Variants in ACOXL observed in about 807,000 individuals in gnomAD.
The protein encoded by ACOXL is acyl-coenzyme A oxidase-like protein.
ACOXL carries 70 observed loss-of-function variants against 71.9 expected under a neutral mutation model. That is an observed-to-expected ratio of 0.97 (90% CI 0.80 to 1.19). The LOEUF is 1.19. Among genes scored for constraint, ACOXL ranks in the 50% most tolerant of loss-of-function variants. The pLI is 0.00. For synonymous variants in ACOXL, 253 were observed against 281.6 expected, an observed-to-expected ratio of 0.90 and a Z score of 1.02; for missense variants, 703 against 736.3, an observed-to-expected ratio of 0.95 and a Z score of 0.52.
intron 15 of ACOXL, among the ~76,000 whole-genome samples, chr2:111,032,077 G>A (rs923889221): frequency 2.0e-5 from 3 of 152,316 alleles, no homozygotes; most frequent in African/African-American, 7.2e-5. Context: ...GGGAGGGTGT[G>A]CACACAGATA....
At chr2:110,847,356 G>C (rs940396044) in intron 10 of ACOXL, among the ~76,000 whole-genome samples, 1 of 152,136 alleles carries the variant, frequency 6.6e-6, no homozygotes, top group African/African-American at 2.4e-5. Flanking sequence ...TCACTTGTCT[G>C]ATACTGGAGA....
chr2:110,807,024 G>T (rs1686734215), intron 9 of ACOXL, among the ~76,000 whole-genome samples: 1 of 152,210 alleles, frequency 6.6e-6, no homozygotes, highest in African/African-American at 2.4e-5. Flanking sequence ...AAAGGTTCCT[G>T]TTCTCCGTTC....
chr2:111,117,621 G>C lies in ACOXL; in HGVS notation c.1548G>C (p.Leu516=). 5.8e-6 allele frequency: 9 copies of C among 1,551,736 alleles called. No homozygotes were observed. Among genetic ancestry groups the C allele is most frequent in the Non-Finnish European group, 7.8e-6 (9 of 1,146,994 alleles). The change falls in exon 18 of 18, where the codon CTG becomes CTC. Residue 516 remains leucine, a synonymous_variant. Transcript: ENST00000439055. The part of the protein sequence containing the change: ...MASTRIRNQL[L]DLCDSVKDDA... ...CATTGTGTTGTGTTTTGCAGTTGCT[G>C]GATTTGTGCGACTCGGTGAAGGATG...
intron 11 of ACOXL, among the ~76,000 whole-genome samples, chr2:110,927,115 A>AC (rs1415935781): frequency 6.6e-6 from 1 of 152,140 alleles, no homozygotes; most frequent in East Asian, 1.9e-4. Context: ...GGAAGCAAGC[A>AC]CCTTTTTCCC....
chr2:110,886,450 C>T (rs1379977314), intron 10 of ACOXL, among the ~76,000 whole-genome samples: 1 of 149,608 alleles, frequency 6.7e-6, no homozygotes, highest in Non-Finnish European at 1.5e-5. Flanking sequence ...GATGTTGGCT[C>T]ACTGCAGCCT....
intron 9 of ACOXL, among the ~76,000 whole-genome samples, chr2:110,819,164 A>G (rs1483038425): frequency 6.6e-6 from 1 of 152,174 alleles, no homozygotes; most frequent in Non-Finnish European, 1.5e-5. Context: ...GGAGAGGCAT[A>G]ATAGCAAATG....
intron 10 of ACOXL, among the ~76,000 whole-genome samples, chr2:110,908,218 A>C (rs1160431909): frequency 6.6e-6 from 1 of 152,238 alleles, no homozygotes; most frequent in Non-Finnish European, 1.5e-5. Flanking sequence ...CACCTGACAT[A>C]GCAGCCTCAG....
intron 12 of ACOXL, 61 bp from the exon 13 acceptor site, chr2:110,987,047 A>G: frequency 2.9e-6 from 4 of 1,368,970 alleles, no homozygotes; most frequent in Non-Finnish European, 4.1e-6. Flanking sequence ...GGGTTGCAGT[A>G]TTAAAGATAC....
intron 2 of ACOXL, among the ~76,000 whole-genome samples, chr2:110,770,834 G>C (rs1475856298): frequency 6.6e-6 from 1 of 152,218 alleles, no homozygotes; most frequent in South Asian, 2.1e-4. Flanking sequence ...GCTTAACTTA[G>C]TGTCAATACT....
chr2:111,117,754 C>G lies in ACOXL; in HGVS notation c.1681C>G (p.Leu561Val). 6.4e-7 allele frequency: 1 copy of G among 1,551,504 alleles called. No homozygotes were observed. The highest frequency in any genetic ancestry group is 8.7e-7 in the Non-Finnish European group (1 of 1,146,978). The change falls in exon 18 of 18, where the codon CTG (leucine) becomes GTG (valine). Residue 561 changes from leucine to valine, a missense_variant. Coordinates refer to ENST00000439055, the MANE Select transcript of ACOXL (RefSeq NM_001142807.4). Reference protein sequence around the residue: ...RAAWAFYPAPLQPRPREEARS... With the variant: ...RAAWAFYPAPVQPRPREEARS... The stretch of plus-strand genomic sequence containing the variant: ...CGCGTGGGCTTTCTACCCTGCACCG[C>G]TGCAGCCGCGGCCACGGGAAGAGGC...
intron 11 of ACOXL, among the ~76,000 whole-genome samples, chr2:110,915,193 A>G (rs1335617839): frequency 6.6e-6 from 1 of 151,408 alleles, no homozygotes. Context: ...TTTTTCATGT[A>G]TGTTCAATTT....
chr2:111,106,579 C>T (rs2069554370), intron 17 of ACOXL, among the ~76,000 whole-genome samples: 1 of 152,160 alleles, frequency 6.6e-6, no homozygotes, highest in Admixed American at 6.5e-5. Flanking sequence ...CTTCCTGGTT[C>T]TTGATAGGAA....
chr2:110,785,271 G>C (rs1339551579), intron 3 of ACOXL, among the ~76,000 whole-genome samples: 1 of 152,076 alleles, frequency 6.6e-6, no homozygotes, highest in Non-Finnish European at 1.5e-5. Context: ...GACATCTTAT[G>C]TAGCAGTAAT....
chr2:110,980,668 C>T (rs551817234), intron 12 of ACOXL, among the ~76,000 whole-genome samples: 1 of 152,162 alleles, frequency 6.6e-6, no homozygotes, highest in African/African-American at 2.4e-5. Flanking sequence ...GACACTGTCA[C>T]TCAGTTCCCC....
chr2:110,981,912 C>A (rs140773639), intron 12 of ACOXL, among the ~76,000 whole-genome samples: 39 of 152,184 alleles, frequency 2.6e-4, no homozygotes, highest in African/African-American at 9.4e-4. Flanking sequence ...AGTAAGTGCT[C>A]CATAAATGTA....
intron 9 of ACOXL, among the ~76,000 whole-genome samples, chr2:110,812,012 T>G (rs1573634171): frequency 6.6e-6 from 1 of 152,184 alleles, no homozygotes; most frequent in Admixed American, 6.5e-5. Context: ...AGTGGGGAGG[T>G]TTTTGCTCTT....
chr2:110,888,229 G>A (rs1327770578), intron 10 of ACOXL, among the ~76,000 whole-genome samples: 1 of 152,202 alleles, frequency 6.6e-6, no homozygotes, highest in African/African-American at 2.4e-5. Context: ...CCCCAGTATG[G>A]AACTGGAAGG....
rs528834094 is a variant in ACOXL at position 110,784,598 on chromosome 2, T to C, written c.76-134T>C. ...ACTTTAGTAGAATGATGGAATTGTT[T>C]CTTAATTTAAAAACTGCTTTTACTG... On this transcript the variant is annotated intron_variant, in intron 2 of 17. Transcript: ENST00000439055. The C allele has an allele frequency of 5.0e-6, 3 of 605,096 alleles. No individual in the cohort carries two copies. The South Asian group carries it at 9.8e-5, about 20-fold the overall frequency. 37.5% of individuals were successfully genotyped at this position (605,096 alleles called of 1,614,324 possible).
At chr2:110,908,961 G>A (rs2059556322) in intron 11 of ACOXL, 56 bp downstream of exon 11, 1 of 1,312,414 alleles carries the variant, frequency 7.6e-7, no homozygotes, top group Non-Finnish European at 1.1e-6. Context: ...CCTGGCATGA[G>A]TAAGAATTCA....
Sources: allele counts gnomAD v4.1 joint callset (sites outside exome capture counted in the v4.1 genomes callset), GRCh38; gene constraint gnomAD v4.1.1; transcripts MANE v1.5; gene names NCBI Gene and HGNC (gene_info 2026-07-23, HGNC 2026-07-21).